TTLL11: variants seen among roughly 807,000 people sequenced by gnomAD.
TTLL11 encodes tubulin polyglutamylase TTLL11.
Under a neutral mutation model 51.7 loss-of-function variants are expected in TTLL11, and 42 were observed. That is an observed-to-expected ratio of 0.81 (90% CI 0.64 to 1.05). The LOEUF is 1.05. Ranked by LOEUF, TTLL11 falls within the 50% of genes least tolerant of loss-of-function variation. The pLI is 0.00. For missense variants in TTLL11, 799 were observed against 940.4 expected (o/e 0.85, Z 1.97); for synonymous variants, 381 against 383.5 (o/e 0.99, Z 0.08).
Position 121,870,610 on chromosome 9 carries a change from T to C in TTLL11, c.1620A>G (p.Ala540=). 6.4e-7 allele frequency: 1 copy of C among 1,551,748 alleles called. No individual in the cohort carries two copies. Among genetic ancestry groups the C allele is most frequent in the Non-Finnish European group, 8.7e-7 (1 of 1,146,994 alleles). ...CCAGGCGCAGGTAGTTGAACTGTTT[T>C]GCGTACTTGGGGAACACCTGCTTGA... is the stretch of plus-strand genomic sequence containing the variant. The part of the protein sequence containing the change: ...ICLKQVFPKY[A]KQFNYLRLVD... The change falls in exon 7 of 9, where the codon GCA becomes GCG. Residue 540 remains alanine (A), a synonymous_variant. Coordinates refer to ENST00000321582, the MANE Select transcript of TTLL11 (RefSeq NM_001139442.2).
chr9:121,899,365 G>GTGTGTATATATACATACATA (rs1226221957), intron 6 of TTLL11, among the ~76,000 whole-genome samples: 1 of 113,242 alleles, frequency 8.8e-6, no homozygotes, highest in African/African-American at 3.3e-5. Context: ...ATGTGTGTGT[G>GTGTGTATATATACATACATA]TATATATATA....
At chr9:122,002,658 C>G (rs1843505723) in intron 3 of TTLL11, among the ~76,000 whole-genome samples, 1 of 152,024 alleles carries the variant, frequency 6.6e-6, no homozygotes, top group Admixed American at 6.6e-5. Context: ...TTTAAGAGAT[C>G]TCCAGTGGCT....
Position 122,015,349 on chromosome 9 carries a change from T to C in TTLL11, c.693+16374A>G, listed in dbSNP as rs184281483. ...CATCCAAGCAGGAGGTGAAGTTCTA[T>C]TTTTGGCAACAAAGGAAATAACACT... is the stretch of plus-strand genomic sequence containing the variant. On this transcript the variant is annotated intron_variant, in intron 3 of 8. Transcript: ENST00000321582. Among the ~76,000 whole-genome samples, 61 of 152,258 alleles carry C rather than the reference T, an allele frequency of 4.0e-4. 1 individual carries two copies. In the East Asian group the frequency reaches 4.8e-3, roughly 12 times the overall value.
At chr9:121,982,831 G>A (rs979597300) in intron 4 of TTLL11, among the ~76,000 whole-genome samples, 6 of 152,066 alleles carry the variant, frequency 3.9e-5, no homozygotes, top group African/African-American at 7.2e-5. Context: ...AAGAGTGAGC[G>A]AAACGGAGAG....
chr9:122,080,467 G>T (rs1160492100), intron 1 of TTLL11, among the ~76,000 whole-genome samples: 2 of 151,978 alleles, frequency 1.3e-5, no homozygotes, highest in African/African-American at 2.4e-5. Context: ...GAGGATCGTT[G>T]AGGCCAAGAG....
At chr9:121,861,228 A>G (rs1837998569) in intron 7 of TTLL11, among the ~76,000 whole-genome samples, 1 of 151,772 alleles carries the variant, frequency 6.6e-6, no homozygotes, top group Non-Finnish European at 1.5e-5. Context: ...AGCTGGGATT[A>G]CAGGTACCCA....
At chr9:121,998,159 A>T (rs1003420631) in intron 3 of TTLL11, among the ~76,000 whole-genome samples, 2 of 152,160 alleles carry the variant, frequency 1.3e-5, no homozygotes, top group African/African-American at 4.8e-5. Context: ...GACTGGTTAT[A>T]GTCACAGGCG....
chr9:122,031,803 G>T lies in TTLL11; in HGVS notation c.613C>A (p.Gln205Lys). The part of the protein sequence containing the change: ...ITLSRAVRTM[Q>K]NLFPEEYNFY... ...TTGTACTCCTCAGGAAAGAGATTCTGCATGGTTCTCACTGCTCTGCTCAGA... is the reference window on the plus strand; with the variant it reads ...TTGTACTCCTCAGGAAAGAGATTCTTCATGGTTCTCACTGCTCTGCTCAGA... Residue 205 changes from glutamine to lysine, a missense_variant, in exon 3 of 9, where the codon CAG (glutamine) becomes AAG (lysine). Gln to Lys is a moderately conservative substitution (Grantham distance 53). Coordinates refer to ENST00000321582, the MANE Select transcript of TTLL11 (RefSeq NM_001139442.2). 6.2e-7 allele frequency: 1 copy of T among 1,614,092 alleles called. No individual in the cohort carries two copies. Among genetic ancestry groups the T allele is most frequent in the South Asian group, 1.1e-5 (1 of 91,076 alleles).
At chr9:122,086,939 T>G (rs186818527) in intron 1 of TTLL11, among the ~76,000 whole-genome samples, 1 of 152,348 alleles carries the variant, frequency 6.6e-6, no homozygotes, top group Admixed American at 6.5e-5. Flanking sequence ...TACTTGAGAA[T>G]AGTAATGATG....
chr9:121,847,101 T>G (rs1028852990), intron 8 of TTLL11, among the ~76,000 whole-genome samples: 3 of 151,270 alleles, frequency 2.0e-5, no homozygotes, highest in Non-Finnish European at 4.4e-5. Context: ...TCCCAGCTAC[T>G]CGGGAGGCTG....
At chr9:121,887,055 C>T (rs1397045831) in intron 6 of TTLL11, among the ~76,000 whole-genome samples, 1 of 152,166 alleles carries the variant, frequency 6.6e-6, no homozygotes, top group African/African-American at 2.4e-5. Flanking sequence ...GATGATGAGC[C>T]TGTCACGGTG....
intron 3 of TTLL11, among the ~76,000 whole-genome samples, chr9:122,014,324 C>G (rs1180033842): frequency 1.3e-5 from 2 of 152,074 alleles, no homozygotes; most frequent in African/African-American, 2.4e-5. Context: ...GAGATCGTAC[C>G]ACTGCACTCC....
At chr9:121,973,978 A>C in intron 6 of TTLL11, 31 bp downstream of exon 6, 1 of 1,520,688 alleles carries the variant, frequency 6.6e-7, no homozygotes, top group East Asian at 2.5e-5. Flanking sequence ...GGCAGAGTTG[A>C]TAGAAATGAA....
intron 1 of TTLL11, among the ~76,000 whole-genome samples, chr9:122,088,104 C>A (rs992829756): frequency 6.6e-6 from 1 of 152,210 alleles, no homozygotes. Context: ...ATATGGCAAG[C>A]AATCTGTGAT....
At chr9:122,066,912 A>G (rs757411960) in intron 1 of TTLL11, among the ~76,000 whole-genome samples, 2 of 152,136 alleles carry the variant, frequency 1.3e-5, no homozygotes, top group Non-Finnish European at 2.9e-5. Context: ...TACCAAGCAA[A>G]AGGGGAAGAG....
At chr9:122,075,989 T>C (rs1845848815) in intron 1 of TTLL11, among the ~76,000 whole-genome samples, 1 of 152,202 alleles carries the variant, frequency 6.6e-6, no homozygotes, top group Admixed American at 6.5e-5. Context: ...TTCAATTCAA[T>C]CAGCATCTGT....
chr9:121,891,079 A>G (rs534470692), intron 6 of TTLL11, among the ~76,000 whole-genome samples: 1 of 152,128 alleles, frequency 6.6e-6, no homozygotes, highest in African/African-American at 2.4e-5. Context: ...CTCCCATGAC[A>G]CCCTGTTTTT....
chr9:122,080,567 C>T (rs955018959), intron 1 of TTLL11, among the ~76,000 whole-genome samples: 25 of 152,032 alleles, frequency 1.6e-4, no homozygotes, highest in African/African-American at 6.0e-4. Flanking sequence ...GGGGCGCACA[C>T]CTTTAGTCCT....
chr9:122,090,926 ATGTAATGACC>A (rs1337824027), intron 1 of TTLL11, among the ~76,000 whole-genome samples: 1 of 152,196 alleles, frequency 6.6e-6, no homozygotes, highest in Non-Finnish European at 1.5e-5. Flanking sequence ...TGCAGCAGCA[ATGTAATGACC>A]TGTAATGACC....
Sources: allele counts gnomAD v4.1 joint callset (sites outside exome capture counted in the v4.1 genomes callset), GRCh38; gene constraint gnomAD v4.1.1; transcripts MANE v1.5; gene names NCBI Gene and HGNC (gene_info 2026-07-23, HGNC 2026-07-21).